Variants in KCNH1 observed in about 807,000 individuals in gnomAD.
KCNH1 encodes voltage-gated delayed rectifier potassium channel KCNH1.
Under a neutral mutation model 69.2 loss-of-function variants are expected in KCNH1, and 27 were observed. The observed-to-expected ratio is 0.39, with a 90% CI of 0.29 to 0.54. The LOEUF (loss-of-function observed/expected upper bound fraction) is 0.54. KCNH1 is among the 20% of genes least tolerant of loss of function. KCNH1 has a pLI of 0.68. For synonymous variants in KCNH1, 456 were observed against 487.7 expected (o/e 0.93, Z 0.86); for missense variants, 798 against 1,261.6 (o/e 0.63, Z 5.57).
intron 4 of KCNH1, among the ~76,000 whole-genome samples, chr1:211,085,745 GA>G (rs1690941245): frequency 6.6e-6 from 1 of 152,204 alleles, no homozygotes; most frequent in African/African-American, 2.4e-5. Flanking sequence ...CCAGTTTGGT[GA>G]AAGATAATAT....
intron 6 of KCNH1, among the ~76,000 whole-genome samples, chr1:210,987,478 T>G (rs1297674332): frequency 1.3e-5 from 2 of 152,216 alleles, no homozygotes; most frequent in African/African-American, 2.4e-5. Flanking sequence ...ATGTCCTTTC[T>G]GTTTGTTAGT....
intron 7 of KCNH1, among the ~76,000 whole-genome samples, chr1:210,914,158 T>C (rs1281555158): frequency 6.6e-6 from 1 of 152,148 alleles, no homozygotes; most frequent in African/African-American, 2.4e-5. Context: ...AGAACCCATA[T>C]CCTACTTTTT....
At chr1:210,978,979 A>C (rs751818421) in intron 6 of KCNH1, among the ~76,000 whole-genome samples, 2 of 152,180 alleles carry the variant, frequency 1.3e-5, no homozygotes, top group African/African-American at 2.4e-5. Context: ...TGAGCTCTCT[A>C]CAGTCTTTAC....
At chr1:211,014,690 G>A (rs1689460067) in intron 6 of KCNH1, among the ~76,000 whole-genome samples, 2 of 152,082 alleles carry the variant, frequency 1.3e-5, no homozygotes, top group Admixed American at 1.3e-4. Flanking sequence ...TTCTTTGGTG[G>A]TCTCCACTGG....
chr1:210,859,827 C>G, intron 7 of KCNH1: 9 of 1,082,332 alleles, frequency 8.3e-6, no homozygotes, highest in Non-Finnish European at 1.0e-5. Flanking sequence ...CATTAAGCCA[C>G]TAATAAAATG....
intron 6 of KCNH1, among the ~76,000 whole-genome samples, chr1:210,937,190 A>G (rs1016056219): frequency 2.0e-4 from 30 of 152,160 alleles, no homozygotes; most frequent in African/African-American, 7.2e-4. Context: ...TCGCAATCAG[A>G]TGTTCACTCC....
At chr1:210,816,179 A>G (rs548111284) in intron 7 of KCNH1, among the ~76,000 whole-genome samples, 1 of 152,316 alleles carries the variant, frequency 6.6e-6, no homozygotes, top group South Asian at 2.1e-4. Flanking sequence ...AAACAGATAC[A>G]TTCCCTATTT....
chr1:211,102,101 T>C (rs1691268635), intron 3 of KCNH1, among the ~76,000 whole-genome samples: 1 of 152,128 alleles, frequency 6.6e-6, no homozygotes. Context: ...AATCAATCAC[T>C]TTCAGCATAG....
At chr1:211,031,923 G>A (rs1379826153) in intron 5 of KCNH1, among the ~76,000 whole-genome samples, 2 of 152,098 alleles carry the variant, frequency 1.3e-5, no homozygotes, top group Non-Finnish European at 1.5e-5. Context: ...CAATCAGGCA[G>A]GAGAAGGAAA....
chr1:211,084,904 C>T (rs1281460495), intron 4 of KCNH1, among the ~76,000 whole-genome samples: 1 of 152,084 alleles, frequency 6.6e-6, no homozygotes, highest in African/African-American at 2.4e-5. Flanking sequence ...GAATAAGACA[C>T]AGATTCTGGC....
chr1:210,759,370 A>G lies in KCNH1; in HGVS notation c.2112+15978T>C, dbSNP rs1318861306. Reference sequence around the variant, plus strand: ...AGAATTCAGAATATGGATGGCAAACACCAATACCCAAAAACATCACAAGCA... The same window carrying G: ...AGAATTCAGAATATGGATGGCAAACGCCAATACCCAAAAACATCACAAGCA... On this transcript the variant is annotated intron_variant, in intron 10 of 10. Transcript: ENST00000271751. Among the ~76,000 whole-genome samples the G allele has an allele frequency of 5.3e-5, 8 of 152,264 alleles. No homozygotes were observed. In the South Asian group the frequency reaches 8.3e-4, roughly 16 times the overall value.
chr1:210,848,864 C>T (rs985905581), intron 7 of KCNH1, among the ~76,000 whole-genome samples: 12 of 152,000 alleles, frequency 7.9e-5, no homozygotes, highest in African/African-American at 2.9e-4. Context: ...GCATGTGTGG[C>T]AGAGCACATT....
At chr1:210,939,624 G>A (rs1687842885) in intron 6 of KCNH1, among the ~76,000 whole-genome samples, 1 of 152,198 alleles carries the variant, frequency 6.6e-6, no homozygotes, top group African/African-American at 2.4e-5. Context: ...GCCCGGCACA[G>A]AAGGCATTTT....
At chr1:210,720,918 A>G (rs1682438625) in intron 10 of KCNH1, among the ~76,000 whole-genome samples, 1 of 152,206 alleles carries the variant, frequency 6.6e-6, no homozygotes, top group African/African-American at 2.4e-5. Flanking sequence ...ATGATATGAC[A>G]GTCACTCTGA....
At chr1:211,066,953 G>A (rs985257943) in intron 5 of KCNH1, among the ~76,000 whole-genome samples, 9 of 152,182 alleles carry the variant, frequency 5.9e-5, no homozygotes, top group African/African-American at 1.9e-4. Flanking sequence ...CTACGCTCCA[G>A]CTATCACAAT....
At chr1:210,902,310 C>T in intron 7 of KCNH1, among the ~76,000 whole-genome samples, 1 of 152,128 alleles carries the variant, frequency 6.6e-6, no homozygotes, top group East Asian at 1.9e-4. Context: ...AGTTTTAGCC[C>T]AGAGGGTCTC....
intron 7 of KCNH1, among the ~76,000 whole-genome samples, chr1:210,850,079 C>A (rs1041346010): frequency 1.3e-4 from 20 of 152,274 alleles, no homozygotes; most frequent in African/African-American, 4.6e-4. Flanking sequence ...TAGAATGTAA[C>A]CATTCCCCTA....
intron 10 of KCNH1, among the ~76,000 whole-genome samples, chr1:210,707,599 C>T (rs1264823618): frequency 4.6e-5 from 7 of 152,138 alleles, no homozygotes; most frequent in Non-Finnish European, 7.4e-5. Context: ...GCCAGGAAGC[C>T]GGCTGGCCAC....
intron 1 of KCNH1, among the ~76,000 whole-genome samples, chr1:211,126,961 T>A (rs1423215774): frequency 6.6e-6 from 1 of 151,390 alleles, no homozygotes; most frequent in East Asian, 1.9e-4. Flanking sequence ...CAAAAAAAAA[T>A]AGCTATAAAA....
Sources: gnomAD v4.1 joint callset for allele counts (sites outside exome capture counted in the v4.1 genomes callset) on GRCh38, gnomAD v4.1.1 for gene constraint, MANE v1.5 for transcripts, NCBI Gene and HGNC (gene_info 2026-07-23, HGNC 2026-07-21) for gene names.